The following ATP1B1 variants were observed in gnomAD, a reference collection of about 807,000 sequenced individuals.
The protein encoded by ATP1B1 is sodium/potassium-transporting ATPase subunit beta-1.
Under a neutral mutation model 39.6 loss-of-function variants are expected in ATP1B1, and 3 were observed. The observed-to-expected ratio is 0.08, with a 90% CI of 0.03 to 0.20. The LOEUF (loss-of-function observed/expected upper bound fraction) is 0.20, where lower values mean the gene tolerates loss of function less well. ATP1B1 is among the 10% of genes least tolerant of loss of function. ATP1B1 has a pLI of 1.00. For missense variants in ATP1B1, 216 were observed against 371.1 expected (o/e 0.58, Z 3.43); for synonymous variants, 139 against 135.0 (o/e 1.03, Z -0.20).
chr1:169,117,382 A>G (rs1657874118), intron 2 of ATP1B1, among the ~76,000 whole-genome samples: 1 of 152,180 alleles, frequency 6.6e-6, no homozygotes, highest in Admixed American at 6.5e-5. Context: ...TGATTTCTTT[A>G]TTTCTAAAGA....
At chr1:169,121,859 C>CA in intron 2 of ATP1B1, among the ~76,000 whole-genome samples, 1 of 152,302 alleles carries the variant, frequency 6.6e-6, no homozygotes, top group East Asian at 1.9e-4. Flanking sequence ...TGATGGACCA[C>CA]AGCTTGCATA....
chr1:169,131,845 G>A lies in ATP1B1; in HGVS notation c.*290G>A, dbSNP rs1307602825. ...CCGTAACTGACTTGTAGTAAGCAGT[G>A]TTTCTGGCCCCTAAGTATTGCTGCC... On this transcript the variant is annotated 3_prime_UTR_variant, in exon 6 of 6. Coordinates refer to ENST00000367815, the MANE Select transcript of ATP1B1 (RefSeq NM_001677.4). This position sits in a 1 kb window ranked among gnomAD's most constrained non-coding sequence, Gnocchi z 4.4. 3.0e-5 allele frequency: 12 copies of A among 403,618 alleles called. No individual in the cohort carries two copies. The highest frequency in any genetic ancestry group is 4.4e-5 in the Non-Finnish European group (10 of 225,488). The allele number at this position is 403,618 out of a possible 1,614,324, so 25.0% of individuals were successfully genotyped here.
At chr1:169,118,894 T>C (rs1040502) in intron 2 of ATP1B1, among the ~76,000 whole-genome samples, 65,661 of 151,994 alleles carry the variant, frequency 0.43, 16,068 homozygotes, top group East Asian at 0.91. Context: ...TCTAGTGATT[T>C]ATCAGATGTA....
chr1:169,109,596 T>G (rs911659880), intron 1 of ATP1B1, among the ~76,000 whole-genome samples: 1 of 152,232 alleles, frequency 6.6e-6, no homozygotes, highest in Non-Finnish European at 1.5e-5. Context: ...TTAATCGGCG[T>G]ACTTGCAAAA....
At chr1:169,111,079 A>G (rs1435119195) in intron 1 of ATP1B1, among the ~76,000 whole-genome samples, 1 of 152,244 alleles carries the variant, frequency 6.6e-6, no homozygotes, top group Admixed American at 6.5e-5. Flanking sequence ...AATAAAAAAT[A>G]TGGATACTTT....
chr1:169,111,759 C>A (rs1195712999), intron 2 of ATP1B1, among the ~76,000 whole-genome samples: 3 of 152,166 alleles, frequency 2.0e-5, no homozygotes, highest in African/African-American at 7.2e-5. Flanking sequence ...CTGCTACCCA[C>A]CAGCTATGTG....
rs148966424 is a variant in ATP1B1 at position 169,116,457 on chromosome 1, C to T, written c.226+4959C>T. ...TTCTTGGCTTGTTGGTAATCAGAAT[C>T]GGGCAGGAGAAGTGGGGTGGATGCA... On this transcript the variant is annotated intron_variant, in intron 2 of 5. Coordinates refer to ENST00000367815, the MANE Select transcript of ATP1B1 (RefSeq NM_001677.4). 9.6e-4 allele frequency among the ~76,000 whole-genome samples: 146 copies of T among 152,244 alleles called. No homozygotes were observed. In the South Asian group the frequency reaches 0.011, roughly 11 times the overall value.
chr1:169,125,720 T>A (rs1054211185), intron 3 of ATP1B1, among the ~76,000 whole-genome samples: 40 of 152,180 alleles, frequency 2.6e-4, no homozygotes, highest in African/African-American at 9.2e-4. Context: ...ATGCCTGTAA[T>A]CCTTGCACTT....
chr1:169,123,439 G>A (rs1260728683), intron 2 of ATP1B1, among the ~76,000 whole-genome samples: 1 of 151,992 alleles, frequency 6.6e-6, no homozygotes, highest in Admixed American at 6.6e-5. Flanking sequence ...CACTTATCAA[G>A]GATAGTGATG....
At chr1:169,125,331 A>T (rs191370460) in intron 3 of ATP1B1, among the ~76,000 whole-genome samples, 1 of 115,266 alleles carries the variant, frequency 8.7e-6, no homozygotes, top group Non-Finnish European at 1.7e-5. Flanking sequence ...TCTTTCTCTT[A>T]CATCCGTTGA....
At chr1:169,120,950 C>CTTT (rs5778600) in intron 2 of ATP1B1, among the ~76,000 whole-genome samples, 12 of 134,848 alleles carry the variant, frequency 8.9e-5, no homozygotes, top group Non-Finnish European at 1.1e-4. Flanking sequence ...CTTTTCTTTT[C>CTTT]TTTTTTTTTT....
intron 4 of ATP1B1, among the ~76,000 whole-genome samples, chr1:169,128,278 TGA>T (rs527423458): frequency 4.5e-4 from 69 of 152,358 alleles, no homozygotes; most frequent in African/African-American, 1.6e-3. Flanking sequence ...TGCAGTATAT[TGA>T]GTTATGTGAA....
chr1:169,110,591 T>TTTTTTTTG, intron 1 of ATP1B1: 5 of 1,149,818 alleles, frequency 4.3e-6, no homozygotes, highest in Admixed American at 7.1e-5. Flanking sequence ...TTTTTTGCTT[T>TTTTTTTTG]TGCAGCTATT....
At chr1:169,126,270 T>TA (rs1279282818) in intron 3 of ATP1B1, among the ~76,000 whole-genome samples, 2 of 152,242 alleles carry the variant, frequency 1.3e-5, no homozygotes, top group Non-Finnish European at 2.9e-5. Flanking sequence ...TTCAAGGAGA[T>TA]AGTCTAAATT....
rs1227592180 is a variant in ATP1B1 at position 169,125,009 on chromosome 1, A to C, written c.352A>C (p.Arg118=). The stretch of plus-strand genomic sequence containing the variant: ...GGAAAAGTACAAAGATTCAGCCCAG[A>C]GGGATGACATGATTTTTGAAGATTG... ...FLEKYKDSAQ[R]DDMIFEDCGD... Residue 118 remains arginine, a synonymous_variant, in exon 3 of 6, where the codon AGG becomes CGG. Coordinates refer to ENST00000367815, the MANE Select transcript of ATP1B1 (RefSeq NM_001677.4). 1.9e-6 allele frequency: 3 copies of C among 1,613,086 alleles called. No individual in the cohort carries two copies. Among genetic ancestry groups the C allele is most frequent in the Non-Finnish European group, 2.5e-6 (3 of 1,179,736 alleles).
chr1:169,130,233 T>C (rs1294533355), intron 5 of ATP1B1, 143 bp downstream of exon 5: 2 of 709,312 alleles, frequency 2.8e-6, no homozygotes, highest in Middle Eastern at 4.0e-4. Context: ...CTCAGTGAGA[T>C]GAATTGTAGC....
chr1:169,115,218 G>T (rs1458298723), intron 2 of ATP1B1, among the ~76,000 whole-genome samples: 2 of 120,716 alleles, frequency 1.7e-5, no homozygotes, highest in African/African-American at 2.5e-5. Context: ...AGGGGGGTGG[G>T]GAATCATATG....
At chr1:169,118,517 C>T (rs1250289869) in intron 2 of ATP1B1, among the ~76,000 whole-genome samples, 2 of 152,168 alleles carry the variant, frequency 1.3e-5, no homozygotes, top group Non-Finnish European at 2.9e-5. Flanking sequence ...CTGTGCCTCT[C>T]CCCTTACTTT....
chr1:169,132,019 A>ATTTTTTTTTTTTTTTTTTTT lies in ATP1B1; in HGVS notation c.*467_*486dup, dbSNP rs34447553. 4.7e-5 allele frequency: 9 copies of ATTTTTTTTTTTTTTTTTTTT among 190,944 alleles called. No homozygotes were observed. The highest frequency in any genetic ancestry group is 6.4e-5 in the African/African-American group (2 of 31,254). The allele number at this position is 190,944 out of a possible 1,614,324, so 11.8% of individuals were successfully genotyped here. Reference sequence around the variant, plus strand: ...CAACGGGAATAAAACTGGCATGGTAATTTTTTTTTTTTTTTTTTTTTTGTT... The same window carrying ATTTTTTTTTTTTTTTTTTTT: ...CAACGGGAATAAAACTGGCATGGTAATTTTTTTTTTTTTTTTTTTTTTTTTTTTTTTTTTTTTTTTTTGTT... On this transcript the variant is annotated 3_prime_UTR_variant, in exon 6 of 6. Transcript: ENST00000367815.
Sources: allele counts gnomAD v4.1 joint callset (sites outside exome capture counted in the v4.1 genomes callset), GRCh38; gene constraint gnomAD v4.1.1; non-coding constraint Gnocchi (gnomAD v3.1); transcripts MANE v1.5; gene names NCBI Gene and HGNC (gene_info 2026-07-23, HGNC 2026-07-21).